KANK4: variants seen among roughly 807,000 people sequenced by gnomAD.
KANK4 encodes KN motif and ankyrin repeat domain-containing protein 4.
In KANK4, 50 loss-of-function variants were observed where a neutral mutation model predicts 80.8. That is an observed-to-expected ratio of 0.62 (90% CI 0.49 to 0.78). The LOEUF is 0.78. KANK4 is among the 30% of genes least tolerant of loss of function. The probability of loss-of-function intolerance (pLI) is 0.00; values close to 1 mark genes in which losing one functional copy is unlikely to be tolerated. For missense variants in KANK4, 1,196 were observed against 1,240.1 expected, an observed-to-expected ratio of 0.96 and a Z score of 0.53; for synonymous variants, 465 against 506.9, an observed-to-expected ratio of 0.92 and a Z score of 1.11.
At chr1:62,289,036 A>C (rs1179622509) in intron 1 of KANK4, among the ~76,000 whole-genome samples, 1 of 152,162 alleles carries the variant, frequency 6.6e-6, no homozygotes, top group Admixed American at 6.5e-5. Context: ...ATTCCCAAAA[A>C]AACTCTGCCA....
rs368577144 is a variant in KANK4, at chr1:62,278,380, T to C, written c.16+3169A>G. On this transcript the variant is annotated intron_variant, in intron 2 of 9. Transcript: ENST00000371153. The stretch of plus-strand genomic sequence containing the variant: ...TCCTTCCTTCCTTCCTTCCTTCCTT[T>C]CTTTCTTTCTTTCTTTCTTTTTTTT... 3.1e-3 allele frequency among the ~76,000 whole-genome samples: 72 copies of C among 23,010 alleles called. 1 individual carries two copies. The highest frequency in any genetic ancestry group is 0.014 in the East Asian group (5 of 366). The allele number at this position is 23,010 out of a possible 152,430, so 15.1% of individuals were successfully genotyped here.
At chr1:62,257,554 C>T (rs74076417) in intron 7 of KANK4, among the ~76,000 whole-genome samples, 1,654 of 152,290 alleles carry the variant, frequency 0.011, 27 homozygotes, top group African/African-American at 0.037. Flanking sequence ...GGGGTTGAGC[C>T]GGCAGAGGTG....
At chr1:62,254,993 C>T (rs2149126074) in intron 7 of KANK4, among the ~76,000 whole-genome samples, 1 of 146,136 alleles carries the variant, frequency 6.8e-6, no homozygotes, top group Non-Finnish European at 1.5e-5. Context: ...TCAAGTGATT[C>T]TCCTGCCTCA....
At position 62,281,550 on chromosome 1, in the gene KANK4, A is replaced by G; in HGVS notation, c.15T>C (p.Asp5=). The change falls in exon 2 of 10, where the codon GAT becomes GAC. Residue 5 remains aspartate, a splice_region_variant and synonymous_variant. Coordinates refer to ENST00000371153, the MANE Select transcript of KANK4 (RefSeq NM_181712.5). MEKT[D]AKDQSSQGDE... is the part of the protein sequence containing the mutation. ...GGCCCTACAAAGCAGCTTGCCTACC[A>G]TCTGTCTTCTCCATCTTTGGAGCGC... The G allele has an allele frequency of 6.2e-7, 1 of 1,614,192 alleles. No homozygotes were observed. Among genetic ancestry groups the G allele is most frequent in the East Asian group, 2.2e-5 (1 of 44,884 alleles).
In KANK4 at chr1:62,236,784, C is replaced by T. The variant is rs976209593; in HGVS notation, c.*1493G>A. On this transcript the variant is annotated 3_prime_UTR_variant, in exon 10 of 10. Coordinates refer to ENST00000371153, the MANE Select transcript of KANK4 (RefSeq NM_181712.5). ...CTAATTTTTGTATTTTTGGTAGAGACGGGGTTTCTCCATGTATGTCAGGCT... is the reference window on the plus strand; with the variant it reads ...CTAATTTTTGTATTTTTGGTAGAGATGGGGTTTCTCCATGTATGTCAGGCT... Among the ~76,000 whole-genome samples, 6 of 151,760 alleles carry T rather than the reference C, an allele frequency of 4.0e-5. No homozygotes were observed. Among genetic ancestry groups the T allele is most frequent in the East Asian group, 1.9e-4 (1 of 5,168 alleles).
intron 1 of KANK4, among the ~76,000 whole-genome samples, chr1:62,302,096 C>T (rs770795408): frequency 1.3e-5 from 2 of 152,004 alleles, no homozygotes; most frequent in Non-Finnish European, 2.9e-5. Flanking sequence ...AACTTGAAGA[C>T]CATGTGAGGC....
chr1:62,249,897 G>C (rs1671571392), intron 8 of KANK4, among the ~76,000 whole-genome samples: 1 of 151,994 alleles, frequency 6.6e-6, no homozygotes, highest in African/African-American at 2.4e-5. Context: ...ATGTTGCCCA[G>C]GCTGATCCTG....
At chr1:62,270,225 G>C (rs908970054) in intron 4 of KANK4, among the ~76,000 whole-genome samples, 3 of 152,170 alleles carry the variant, frequency 2.0e-5, no homozygotes, top group African/African-American at 7.2e-5. Context: ...GGGCGTTTCA[G>C]CTGGGGAGAG....
chr1:62,275,541 T>A lies in KANK4; in HGVS notation c.17-454A>T, dbSNP rs145026604. Reference sequence around the variant, plus strand: ...AAGTGGCTCAGCAGTAAAAAAGAAATCTGCAAAAACAACCCTAACTTGCAT... The same window carrying A: ...AAGTGGCTCAGCAGTAAAAAAGAAAACTGCAAAAACAACCCTAACTTGCAT... On this transcript the variant is annotated intron_variant, in intron 2 of 9. Coordinates refer to ENST00000371153, the MANE Select transcript of KANK4 (RefSeq NM_181712.5). 4.2e-3 allele frequency among the ~76,000 whole-genome samples: 641 copies of A among 152,232 alleles called. 7 individuals are homozygous for A. Among genetic ancestry groups the A allele is most frequent in the African/African-American group, 0.015 (620 of 41,536 alleles).
intron 1 of KANK4, among the ~76,000 whole-genome samples, chr1:62,307,097 C>T (rs1053809226): frequency 3.9e-5 from 6 of 152,152 alleles, no homozygotes; most frequent in Non-Finnish European, 7.3e-5. Context: ...ATGTCCTGGC[C>T]CCACCTTCAC....
chr1:62,241,669 T>C (rs1246739727), intron 9 of KANK4, among the ~76,000 whole-genome samples: 1 of 152,150 alleles, frequency 6.6e-6, no homozygotes, highest in Admixed American at 6.5e-5. Context: ...TAAATCCTAG[T>C]GAATGGGTTC....
chr1:62,240,935 A>C (rs1466119804), intron 9 of KANK4, among the ~76,000 whole-genome samples: 1 of 151,904 alleles, frequency 6.6e-6, no homozygotes, highest in African/African-American at 2.4e-5. Context: ...AGCTCCAAAA[A>C]CCACACTCTT....
At chr1:62,253,356 T>C (rs1188543672) in intron 7 of KANK4, 147 bp from the exon 8 acceptor site, 2 of 564,912 alleles carry the variant, frequency 3.5e-6, no homozygotes, top group South Asian at 3.7e-5. Context: ...GTGGTTTACA[T>C]TTGTAGCAGC....
intron 9 of KANK4, among the ~76,000 whole-genome samples, chr1:62,244,195 T>TA (rs555154438): frequency 2.2e-4 from 32 of 148,760 alleles, no homozygotes; most frequent in African/African-American, 7.8e-4. Flanking sequence ...AGTGTTTATT[T>TA]TTTATTTTTT....
At chr1:62,272,817 G>C in intron 3 of KANK4, 1 of 155,424 alleles carries the variant, frequency 6.4e-6, no homozygotes, top group South Asian at 2.1e-4. Flanking sequence ...TTGAGATGGA[G>C]TCTTGCTCTG....
intron 8 of KANK4, among the ~76,000 whole-genome samples, chr1:62,249,257 T>C (rs974315550): frequency 6.6e-6 from 1 of 152,012 alleles, no homozygotes; most frequent in African/African-American, 2.4e-5. Flanking sequence ...AATATAATGA[T>C]GTACAGTAAT....
In KANK4 at chr1:62,237,114, T is replaced by G. The variant is rs1258961898; in HGVS notation, c.*1163A>C. 1 of 149,650 alleles carries G rather than the reference T, an allele frequency of 6.7e-6. No individual in the cohort carries two copies. Among genetic ancestry groups the G allele is most frequent in the Non-Finnish European group, 1.5e-5 (1 of 67,830 alleles). 9.3% of individuals were successfully genotyped at this position (149,650 alleles called of 1,614,324 possible). Reference sequence around the variant, plus strand: ...AAGCTCATCAAACTTTGACATTACTTCTTTTTATATAAGGGGCTTTTTTTT... The same window carrying G: ...AAGCTCATCAAACTTTGACATTACTGCTTTTTATATAAGGGGCTTTTTTTT... On this transcript the variant is annotated 3_prime_UTR_variant, in exon 10 of 10. Coordinates refer to ENST00000371153, the MANE Select transcript of KANK4 (RefSeq NM_181712.5).
chr1:62,267,518 C>T (rs1298522538), intron 5 of KANK4, among the ~76,000 whole-genome samples: 1 of 152,084 alleles, frequency 6.6e-6, no homozygotes, highest in Non-Finnish European at 1.5e-5. Context: ...AGACACATCA[C>T]CAGCCAGGCA....
At chr1:62,249,341 C>T (rs1179509002) in intron 8 of KANK4, among the ~76,000 whole-genome samples, 2 of 133,418 alleles carry the variant, frequency 1.5e-5, no homozygotes, top group Non-Finnish European at 3.1e-5. Context: ...TATATGTGTG[C>T]ATGTTTGTGT....
Sources: gnomAD v4.1 joint callset for allele counts (sites outside exome capture counted in the v4.1 genomes callset) on GRCh38, gnomAD v4.1.1 for gene constraint, MANE v1.5 for transcripts, NCBI Gene and HGNC (gene_info 2026-07-23, HGNC 2026-07-21) for gene names.